Variants in AGBL4 observed in about 807,000 individuals in gnomAD.
AGBL4 encodes AGBL carboxypeptidase 4, also known as cytosolic carboxypeptidase 6.
Under a neutral mutation model 66.4 loss-of-function variants are expected in AGBL4, and 58 were observed. That is an observed-to-expected ratio of 0.87 (90% CI 0.71 to 1.09). AGBL4 has a LOEUF of 1.09. Ranked by LOEUF, AGBL4 falls within the 50% of genes least tolerant of loss-of-function variation. The pLI, the probability that AGBL4 is intolerant of heterozygous loss-of-function variation, is 0.00. For missense variants in AGBL4, 579 were observed against 631.0 expected, an observed-to-expected ratio of 0.92 and a Z score of 0.88; for synonymous variants, 234 against 222.9, an observed-to-expected ratio of 1.05 and a Z score of -0.44.
chr1:48,920,841 T>A (rs1280323916), intron 5 of AGBL4, among the ~76,000 whole-genome samples: 3 of 152,036 alleles, frequency 2.0e-5, no homozygotes. Flanking sequence ...CCATGCTGAC[T>A]GTGGTAGTGG....
intron 5 of AGBL4, among the ~76,000 whole-genome samples, chr1:48,872,324 T>A (rs1227881483): frequency 6.6e-6 from 1 of 152,196 alleles, no homozygotes; most frequent in African/African-American, 2.4e-5. Flanking sequence ...TAATTTTTCA[T>A]CCCAGGCTGC....
intron 6 of AGBL4, among the ~76,000 whole-genome samples, chr1:48,854,936 T>C (rs940483873): frequency 6.6e-6 from 1 of 152,214 alleles, no homozygotes; most frequent in Non-Finnish European, 1.5e-5. Context: ...TTGGGTCCTT[T>C]GAGCCCTGTA....
At chr1:49,317,076 TTATATC>T (rs1351610115) in intron 3 of AGBL4, among the ~76,000 whole-genome samples, 1 of 151,936 alleles carries the variant, frequency 6.6e-6, no homozygotes, top group Non-Finnish European at 1.5e-5. Flanking sequence ...ATCTATCTGT[TTATATC>T]TATGTATGGA....
At chr1:49,948,568 T>TAGAGAGAGAGAG (rs1205762791) in intron 1 of AGBL4, among the ~76,000 whole-genome samples, 1 of 70,472 alleles carries the variant, frequency 1.4e-5, no homozygotes, top group Non-Finnish European at 3.1e-5. Context: ...TATAAAAATA[T>TAGAGAGAGAGAG]ATATATATAT....
At chr1:49,376,795 G>A (rs924527606) in intron 3 of AGBL4, among the ~76,000 whole-genome samples, 1 of 151,936 alleles carries the variant, frequency 6.6e-6, no homozygotes, top group African/African-American at 2.4e-5. Context: ...ATCCCTACTT[G>A]TATTGTTATC....
intron 2 of AGBL4, among the ~76,000 whole-genome samples, chr1:49,846,683 A>G (rs1646154340): frequency 6.6e-6 from 1 of 152,214 alleles, no homozygotes; most frequent in Admixed American, 6.5e-5. Context: ...ATTTACAACA[A>G]CTACAAAAAA....
intron 3 of AGBL4, among the ~76,000 whole-genome samples, chr1:49,447,428 A>G (rs1194163545): frequency 6.6e-6 from 1 of 152,136 alleles, no homozygotes; most frequent in Non-Finnish European, 1.5e-5. Context: ...GAGTAGACAC[A>G]GGAAAGTCAG....
chr1:49,792,374 A>C (rs1003379846), intron 2 of AGBL4, among the ~76,000 whole-genome samples: 4 of 152,064 alleles, frequency 2.6e-5, no homozygotes, highest in African/African-American at 9.7e-5. Flanking sequence ...TGGAGAAATA[A>C]AGATGTACTC....
At chr1:48,619,778 C>T (rs533629012) in intron 9 of AGBL4, among the ~76,000 whole-genome samples, 2 of 152,254 alleles carry the variant, frequency 1.3e-5, no homozygotes, top group African/African-American at 4.8e-5. Context: ...CTTGAAGTGC[C>T]CTGTAGGATC....
At chr1:49,860,535 G>A (rs1646542933) in intron 1 of AGBL4, among the ~76,000 whole-genome samples, 5 of 152,012 alleles carry the variant, frequency 3.3e-5, no homozygotes, top group Admixed American at 2.0e-4. Context: ...GCATCTCAAC[G>A]AAAAATTTTA....
At chr1:49,635,424 A>G (rs937246508) in intron 3 of AGBL4, among the ~76,000 whole-genome samples, 7 of 152,314 alleles carry the variant, frequency 4.6e-5, no homozygotes, top group Non-Finnish European at 8.8e-5. Context: ...AAGGAAATAT[A>G]TATGTCAAAA....
At chr1:49,306,857 C>T (rs1458459571) in intron 3 of AGBL4, among the ~76,000 whole-genome samples, 3 of 152,130 alleles carry the variant, frequency 2.0e-5, no homozygotes, top group Non-Finnish European at 4.4e-5. Flanking sequence ...TGAAGACTGA[C>T]AATCATGAAT....
chr1:49,907,891 G>A (rs891166080), intron 1 of AGBL4, among the ~76,000 whole-genome samples: 29 of 151,946 alleles, frequency 1.9e-4, no homozygotes, highest in Middle Eastern at 3.2e-3. Flanking sequence ...GAGAGGCTAT[G>A]TACATGTGGG....
chr1:48,882,636 G>T (rs1649902495), intron 5 of AGBL4, among the ~76,000 whole-genome samples: 1 of 152,062 alleles, frequency 6.6e-6, no homozygotes, highest in Admixed American at 6.6e-5. Flanking sequence ...TTTTTGTGGT[G>T]AGAACACTCA....
chr1:49,145,372 C>T (rs1646198249), intron 4 of AGBL4, among the ~76,000 whole-genome samples: 1 of 152,116 alleles, frequency 6.6e-6, no homozygotes. Context: ...CCCAACATTT[C>T]TTACCCTCAG....
chr1:49,379,634 A>G (rs1644550393), intron 3 of AGBL4, among the ~76,000 whole-genome samples: 1 of 152,148 alleles, frequency 6.6e-6, no homozygotes, highest in African/African-American at 2.4e-5. Context: ...CTATTGAGAT[A>G]ATCATGTGGT....
chr1:49,135,841 G>A (rs766538705), intron 4 of AGBL4, among the ~76,000 whole-genome samples: 1 of 152,118 alleles, frequency 6.6e-6, no homozygotes, highest in Non-Finnish European at 1.5e-5. Context: ...TTTGTTTATG[G>A]CCAGTTTTGG....
intron 4 of AGBL4, among the ~76,000 whole-genome samples, chr1:49,160,111 G>A (rs1235511376): frequency 6.6e-6 from 1 of 152,150 alleles, no homozygotes; most frequent in African/African-American, 2.4e-5. Flanking sequence ...CCTTGCTGGT[G>A]AGGAGTTGTG....
Position 49,579,010 on chromosome 1 carries a change from C to T in AGBL4, c.282+118303G>A, listed in dbSNP as rs377420422. Among the ~76,000 whole-genome samples the T allele has an allele frequency of 9.9e-5, 15 of 152,206 alleles. No individual in the cohort carries two copies. In the South Asian group the frequency reaches 1.5e-3, roughly 15 times the overall value. On this transcript the variant is annotated intron_variant, in intron 3 of 13. Coordinates refer to ENST00000371839, the MANE Select transcript of AGBL4 (RefSeq NM_032785.4). ...AATCAGCTGCCAGCAAATATAAAGC[C>T]GGCAGAAAAATGTGAAAAGGAGAGA...
Sources: allele counts gnomAD v4.1 joint callset (sites outside exome capture counted in the v4.1 genomes callset), GRCh38; gene constraint gnomAD v4.1.1; transcripts MANE v1.5; gene names NCBI Gene and HGNC (gene_info 2026-07-23, HGNC 2026-07-21).